CTNNBIP1: variants seen among roughly 807,000 people sequenced by gnomAD.
The protein encoded by CTNNBIP1 is catenin beta interacting protein 1, also known as beta-catenin-interacting protein 1.
A neutral mutation model predicts 11.8 loss-of-function variants in CTNNBIP1; 7 were observed. The observed-to-expected ratio is 0.60, with a 90% CI of 0.34 to 1.12. The LOEUF (loss-of-function observed/expected upper bound fraction) is 1.12, where lower values mean the gene tolerates loss of function less well. CTNNBIP1 is among the 50% of genes most tolerant of loss of function. CTNNBIP1 has a pLI of 0.03. For synonymous variants in CTNNBIP1, 58 were observed against 43.9 expected (o/e 1.32, Z -1.26); for missense variants, 101 against 113.4 (o/e 0.89, Z 0.50).
At chr1:9,852,811 T>C (rs1279769848) in intron 5 of CTNNBIP1, among the ~76,000 whole-genome samples, 1 of 152,208 alleles carries the variant, frequency 6.6e-6, no homozygotes, top group Non-Finnish European at 1.5e-5. Flanking sequence ...CTCAGGGACC[T>C]TGGGCCTCTG....
intron 1 of CTNNBIP1, among the ~76,000 whole-genome samples, chr1:9,904,894 A>G (rs1639588185): frequency 6.6e-6 from 1 of 152,168 alleles, no homozygotes; most frequent in South Asian, 2.1e-4. Flanking sequence ...GGACTCGGAA[A>G]AAAGGAAGCT....
intron 5 of CTNNBIP1, among the ~76,000 whole-genome samples, chr1:9,865,228 CAAAAAA>C (rs34199460): frequency 4.6e-5 from 4 of 86,488 alleles, no homozygotes; most frequent in African/African-American, 1.7e-4. Context: ...GACTCTGTCT[CAAAAAA>C]AAAAAAAAAA....
intron 5 of CTNNBIP1, among the ~76,000 whole-genome samples, chr1:9,862,865 C>T (rs1023434516): frequency 2.6e-5 from 4 of 152,230 alleles, no homozygotes; most frequent in African/African-American, 9.6e-5. Context: ...CACACAGCAA[C>T]TGTGGGCTGA....
chr1:9,864,177 G>A (rs1354772158), intron 5 of CTNNBIP1, among the ~76,000 whole-genome samples: 1 of 152,134 alleles, frequency 6.6e-6, no homozygotes, highest in Non-Finnish European at 1.5e-5. Flanking sequence ...GGGAGCCCCG[G>A]TGCCAGCACA....
rs114375808 is a variant in CTNNBIP1, at chr1:9,870,664, C to A, written c.187+523G>T. On this transcript the variant is annotated intron_variant, in intron 5 of 5. Transcript: ENST00000377263. ...TTACCATGCTGACTTGTTGAGGTCA[C>A]CCCAAAAAGACAGAACTCCCTCAGG... Among the ~76,000 whole-genome samples, 1,182 of 152,304 alleles carry A rather than the reference C, an allele frequency of 7.8e-3. 16 individuals are homozygous for A. Among genetic ancestry groups the A allele is most frequent in the African/African-American group, 0.027 (1,116 of 41,566 alleles).
At chr1:9,861,497 G>A (rs1189693181) in intron 5 of CTNNBIP1, among the ~76,000 whole-genome samples, 1 of 152,194 alleles carries the variant, frequency 6.6e-6, no homozygotes, top group Non-Finnish European at 1.5e-5. Context: ...GTTGCTATGG[G>A]GATGGCGGCC....
At chr1:9,885,537 T>C (rs1639168932) in intron 1 of CTNNBIP1, among the ~76,000 whole-genome samples, 1 of 151,824 alleles carries the variant, frequency 6.6e-6, no homozygotes, top group Non-Finnish European at 1.5e-5. Context: ...ACAGTTATTC[T>C]GGAGGCTGAG....
chr1:9,855,725 CTTTT>C (rs528824089), intron 5 of CTNNBIP1, among the ~76,000 whole-genome samples: 1 of 133,758 alleles, frequency 7.5e-6, no homozygotes, highest in East Asian at 2.1e-4. Flanking sequence ...TTAGGAAATG[CTTTT>C]TTTTTTTTTT....
Position 9,853,669 on chromosome 1 carries a change from C to T in CTNNBIP1, c.188-2893G>A, listed in dbSNP as rs556738535. On this transcript the variant is annotated intron_variant, in intron 5 of 5. Transcript: ENST00000377263. Reference sequence around the variant, plus strand: ...TTTTACAGATGAAGCTCTGTCTCCCCCCTTGGTATCTCTGTTGACACTGTC... The same window carrying T: ...TTTTACAGATGAAGCTCTGTCTCCCTCCTTGGTATCTCTGTTGACACTGTC... Among the ~76,000 whole-genome samples the T allele has an allele frequency of 4.3e-4, 65 of 152,346 alleles. 2 individuals carry two copies. Among genetic ancestry groups the T allele is most frequent in the African/African-American group, 1.4e-3 (59 of 41,564 alleles).
intron 1 of CTNNBIP1, among the ~76,000 whole-genome samples, chr1:9,897,520 C>G (rs567199900): frequency 1.3e-5 from 2 of 151,934 alleles, no homozygotes; most frequent in African/African-American, 2.4e-5. Context: ...GGCATGGTGG[C>G]GCGTGCCTGT....
chr1:9,907,649 T>C lies in CTNNBIP1; in HGVS notation c.-144+2446A>G, dbSNP rs559912200. 2.5e-3 allele frequency among the ~76,000 whole-genome samples: 385 copies of C among 152,320 alleles called. 1 individual carries two copies. The highest frequency in any genetic ancestry group is 4.1e-3 in the Non-Finnish European group (276 of 68,026). ...TATTATGCCCTCCTCCACCTCTAAC[T>C]GGTTTTTAAACCCACAAACCCTCTC... On this transcript the variant is annotated intron_variant, in intron 1 of 5. Transcript: ENST00000377263.
At chr1:9,852,923 G>A (rs998687855) in intron 5 of CTNNBIP1, among the ~76,000 whole-genome samples, 2 of 152,296 alleles carry the variant, frequency 1.3e-5, no homozygotes, top group East Asian at 1.9e-4. Context: ...CCCAGACCTG[G>A]GGACCAGGAC....
chr1:9,890,969 G>T (rs760601785), intron 1 of CTNNBIP1, among the ~76,000 whole-genome samples: 1 of 152,100 alleles, frequency 6.6e-6, no homozygotes, highest in Non-Finnish European at 1.5e-5. Flanking sequence ...CCTCCAGAGA[G>T]TGCGGGTCAC....
intron 5 of CTNNBIP1, among the ~76,000 whole-genome samples, chr1:9,860,605 A>G (rs1327282991): frequency 2.1e-5 from 3 of 145,714 alleles, no homozygotes; most frequent in African/African-American, 8.0e-5. Context: ...CAACAGAGCA[A>G]GACTTCATCT....
Position 9,871,196 on chromosome 1 carries a change from T to TG in CTNNBIP1, c.177dup (p.Ile60HisfsTer35). 1 of 1,574,040 alleles carries TG rather than the reference T, an allele frequency of 6.4e-7. No homozygotes were observed. The highest frequency in any genetic ancestry group is 8.6e-7 in the Non-Finnish European group (1 of 1,160,408). ...TCTGCCGCCAACTCACCCTGGTCGA[T>TG]GGAGTGCGGAGGCAGCTGGCTGAGC... On this transcript the variant is annotated frameshift_variant, in exon 5 of 6. Transcript: ENST00000377263. LOFTEE classifies it high-confidence loss of function. This position sits in a 1 kb window ranked among gnomAD's most constrained non-coding sequence, Gnocchi z 5.2.
At chr1:9,862,032 T>C (rs1182202081) in intron 5 of CTNNBIP1, among the ~76,000 whole-genome samples, 1 of 152,180 alleles carries the variant, frequency 6.6e-6, no homozygotes, top group African/African-American at 2.4e-5. Context: ...CATCTTGCCC[T>C]GTTCCCACCC....
At chr1:9,907,691 G>A (rs1241038696) in intron 1 of CTNNBIP1, among the ~76,000 whole-genome samples, 2 of 152,204 alleles carry the variant, frequency 1.3e-5, no homozygotes, top group Admixed American at 6.5e-5. Flanking sequence ...AGGAGGCGGG[G>A]ACCTGTTCTG....
At chr1:9,876,311 AAAAAAGG>A (rs1165497892) in intron 3 of CTNNBIP1, among the ~76,000 whole-genome samples, 2 of 152,158 alleles carry the variant, frequency 1.3e-5, no homozygotes, top group African/African-American at 4.8e-5. Flanking sequence ...AGGTAAGCCA[AAAAAAGG>A]AAAATGAAAA....
intron 1 of CTNNBIP1, among the ~76,000 whole-genome samples, chr1:9,909,535 T>C (rs1049382972): frequency 4.0e-5 from 6 of 151,018 alleles, no homozygotes; most frequent in African/African-American, 1.5e-4. Flanking sequence ...GAAAAGGAGG[T>C]GAGAGGTGCA....
Sources: gnomAD v4.1 joint callset for allele counts (sites outside exome capture counted in the v4.1 genomes callset) on GRCh38, gnomAD v4.1.1 for gene constraint, Gnocchi (gnomAD v3.1) non-coding constraint, MANE v1.5 for transcripts, NCBI Gene and HGNC (gene_info 2026-07-23, HGNC 2026-07-21) for gene names.